The following LRRIQ4 variants were observed in gnomAD, a reference collection of about 807,000 sequenced individuals.
LRRIQ4 encodes the protein leucine rich repeats and IQ motif containing 4, also known as leucine-rich repeat and IQ domain-containing protein 4.
A neutral mutation model predicts 40.1 loss-of-function variants in LRRIQ4; 21 were observed. That is an observed-to-expected ratio of 0.52 (90% confidence interval 0.37 to 0.75). The LOEUF is 0.75. LRRIQ4 is among the 30% of genes least tolerant of loss of function. LRRIQ4 has a pLI of 0.00. For synonymous variants in LRRIQ4, 277 were observed against 277.1 expected, an observed-to-expected ratio of 1.00 and a Z score of 0.00; for missense variants, 655 against 660.0, an observed-to-expected ratio of 0.99 and a Z score of 0.08.
chr3:169,821,288 C>A lies in LRRIQ4; in HGVS notation c.-31-603C>A, dbSNP rs376217693. Among the ~76,000 whole-genome samples, 12 of 152,222 alleles carry A rather than the reference C, an allele frequency of 7.9e-5. No homozygotes were observed. The East Asian group carries it at 2.3e-3, about 29-fold the overall frequency. On this transcript the variant is annotated intron_variant, in intron 1 of 5. Coordinates refer to ENST00000340806, the MANE Select transcript of LRRIQ4 (RefSeq NM_001080460.3). The stretch of plus-strand genomic sequence containing the variant: ...TCAGTGTTATGGTAAGAGCAAGGAT[C>A]TTTTGCAACCTTCTACATCCTACTG...
At chr3:169,831,609 T>C (rs1354215908) in intron 4 of LRRIQ4, among the ~76,000 whole-genome samples, 1 of 149,552 alleles carries the variant, frequency 6.7e-6, no homozygotes, top group African/African-American at 2.5e-5. Context: ...GCCCAAACTA[T>C]AGTTATTCTT....
At position 169,812,922 on chromosome 3, in the gene LRRIQ4, T is replaced by C. The variant is rs1004946853; in HGVS notation, c.-156T>C. 3.6e-5 allele frequency: 7 copies of C among 194,092 alleles called. No individual in the cohort carries two copies. The highest frequency in any genetic ancestry group is 1.4e-4 in the South Asian group (1 of 6,906). The allele number at this position is 194,092 out of a possible 1,614,324, so 12.0% of individuals were successfully genotyped here. A position where few individuals can be genotyped will look rare whatever the true frequency, so the allele number is the denominator to read the frequency against. On this transcript the variant is annotated 5_prime_UTR_variant, in exon 1 of 6. Transcript: ENST00000340806. The surrounding 1 kb of genome is among the most constrained non-coding windows in gnomAD (Gnocchi z 4.3). ...ATAAAGGCGTTGGGCTTTGGGAGCA[T>C]AAAGGGTTTTGTGCTCCCAAAGGGC...
intron 4 of LRRIQ4, among the ~76,000 whole-genome samples, chr3:169,831,394 C>T (rs1414559796): frequency 1.5e-5 from 2 of 134,990 alleles, no homozygotes; most frequent in Admixed American, 7.7e-5. Context: ...CTGCCTCAGC[C>T]TCCTGAGTAG....
intron 2 of LRRIQ4, among the ~76,000 whole-genome samples, chr3:169,827,599 T>C (rs1576766599): frequency 2.0e-5 from 2 of 99,614 alleles, no homozygotes; most frequent in South Asian, 7.1e-4. Context: ...AGAGCGAGAC[T>C]CCGTCTCAAA....
chr3:169,836,760 A>T (rs576856729), intron 5 of LRRIQ4, among the ~76,000 whole-genome samples: 1 of 152,330 alleles, frequency 6.6e-6, no homozygotes, highest in African/African-American at 2.4e-5. Flanking sequence ...GAAGAGTTCC[A>T]GGCAAAGAAA....
Position 169,833,023 on chromosome 3 carries a change from C to T in LRRIQ4, c.1370C>T (p.Thr457Ile), listed in dbSNP as rs766569573. Residue 457 changes from threonine (T) to isoleucine (I), a missense_variant, in exon 5 of 6, where the codon ACC (threonine) becomes ATC (isoleucine). Transcript: ENST00000340806. ...TTACGGCTGGAGGACAACTTGCTCA[C>T]CCATCTTCCAGAGAATTTGGATTCC... ...KELRLEDNLL[T>I]HLPENLDSLV... 3 of 1,613,356 alleles carry T rather than the reference C, an allele frequency of 1.9e-6. No homozygotes were observed. The highest frequency in any genetic ancestry group is 8.5e-7 in the Non-Finnish European group (1 of 1,179,776).
intron 1 of LRRIQ4, among the ~76,000 whole-genome samples, chr3:169,819,288 G>GTA (rs1042561205): frequency 1.3e-5 from 2 of 152,050 alleles, no homozygotes; most frequent in Non-Finnish European, 2.9e-5. Context: ...AAATATGGGT[G>GTA]TATATATATA....
intron 1 of LRRIQ4, among the ~76,000 whole-genome samples, chr3:169,814,478 G>C (rs1480943153): frequency 7.0e-6 from 1 of 142,922 alleles, no homozygotes; most frequent in Non-Finnish European, 1.5e-5. Context: ...AGGGTCTTGG[G>C]GTGTTTGTTT....
rs73879133 is a variant in LRRIQ4, at chr3:169,812,982, C to T, written c.-96C>T. The T allele has an allele frequency of 9.2e-3, 1,527 of 166,466 alleles. 24 individuals carry two copies. The highest frequency in any genetic ancestry group is 0.035 in the African/African-American group (1,453 of 41,830). 10.3% of individuals were successfully genotyped at this position (166,466 alleles called of 1,614,324 possible). On this transcript the variant is annotated 5_prime_UTR_variant, in exon 1 of 6. Coordinates refer to ENST00000340806, the MANE Select transcript of LRRIQ4 (RefSeq NM_001080460.3). The surrounding 1 kb of genome is among the most constrained non-coding windows in gnomAD (Gnocchi z 4.3). ...AGGGAGGGCTTCCTGAAGGAGGTGA[C>T]ATCTGGATGGTCCGAAGGAGGCTGC... is the stretch of plus-strand genomic sequence containing the variant.
chr3:169,814,478 G>GGTGT (rs2108260948), intron 1 of LRRIQ4, among the ~76,000 whole-genome samples: 1 of 143,028 alleles, frequency 7.0e-6, no homozygotes, highest in African/African-American at 2.7e-5. Flanking sequence ...AGGGTCTTGG[G>GGTGT]GTGTTTGTTT....
chr3:169,831,440 A>AT lies in LRRIQ4; in HGVS notation c.1333+853dup, dbSNP rs750864248. On this transcript the variant is annotated intron_variant, in intron 4 of 5. Coordinates refer to ENST00000340806, the MANE Select transcript of LRRIQ4 (RefSeq NM_001080460.3). ...AGGCGCCCGCCACCACGCCCGGCTA[A>AT]TTTTTTTTTTTTTTTTTTTTTTTTT... Among the ~76,000 whole-genome samples, 112 of 29,428 alleles carry AT rather than the reference A, an allele frequency of 3.8e-3. 33 individuals are homozygous for AT. The highest frequency in any genetic ancestry group is 4.9e-3 in the Non-Finnish European group (76 of 15,644). The allele number at this position is 29,428 out of a possible 152,430, so 19.3% of individuals were successfully genotyped here. A position where few individuals can be genotyped will look rare whatever the true frequency, so the allele number is the denominator to read the frequency against.
chr3:169,826,921 A>C (rs1347789751), intron 2 of LRRIQ4, among the ~76,000 whole-genome samples: 2 of 152,240 alleles, frequency 1.3e-5, no homozygotes, highest in African/African-American at 4.8e-5. Context: ...ACTCTACACA[A>C]AAAAGAGAAA....
intron 2 of LRRIQ4, among the ~76,000 whole-genome samples, chr3:169,827,569 T>C (rs981907980): frequency 1.6e-4 from 20 of 128,956 alleles, no homozygotes; most frequent in African/African-American, 6.2e-4. Flanking sequence ...ATCGCGCCAC[T>C]GCACTCCAGC....
Position 169,822,282 on chromosome 3 carries a change from C to A in LRRIQ4, c.361C>A (p.Arg121Ser), listed in dbSNP as rs768267415. ...LVVVSFLHALRELRLYQTDLK... is the reference protein window; with the variant it reads ...LVVVSFLHALSELRLYQTDLK... ...CGTTGTCAGCTTCCTCCACGCCCTG[C>A]GCGAGCTCCGGCTCTACCAGACCGA... The change falls in exon 2 of 6, where the codon CGC (arginine) becomes AGC (serine). Residue 121 changes from arginine to serine, a missense_variant. Arg to Ser is a moderately radical substitution (Grantham distance 110). Transcript: ENST00000340806. 55 of 1,613,018 alleles carry A rather than the reference C, an allele frequency of 3.4e-5. No individual in the cohort carries two copies. The highest frequency in any genetic ancestry group is 4.2e-5 in the Non-Finnish European group (50 of 1,179,570).
chr3:169,825,024 T>C (rs370824921), intron 2 of LRRIQ4, among the ~76,000 whole-genome samples: 8,385 of 128,704 alleles, frequency 0.065, 290 homozygotes, highest in African/African-American at 0.12. Context: ...TTTTTTTTTT[T>C]TGAGATGAGC....
intron 1 of LRRIQ4, among the ~76,000 whole-genome samples, chr3:169,821,528 G>A (rs963912998): frequency 2.0e-5 from 3 of 152,044 alleles, no homozygotes; most frequent in Non-Finnish European, 4.4e-5. Flanking sequence ...CCAGCTACTC[G>A]GGAGGCTGAA....
At chr3:169,827,606 CAAAAAAAA>C (rs59524627) in intron 2 of LRRIQ4, among the ~76,000 whole-genome samples, 18 of 77,524 alleles carry the variant, frequency 2.3e-4, no homozygotes, top group Admixed American at 6.1e-4. Flanking sequence ...GACTCCGTCT[CAAAAAAAA>C]AAAAAAAAAA....
intron 5 of LRRIQ4, among the ~76,000 whole-genome samples, chr3:169,833,384 C>T (rs1780230172): frequency 6.6e-6 from 1 of 152,128 alleles, no homozygotes; most frequent in Admixed American, 6.5e-5. Flanking sequence ...TTTTATGTCC[C>T]TTATTTCTTT....
At chr3:169,818,781 AAGG>A (rs1195576882) in intron 1 of LRRIQ4, among the ~76,000 whole-genome samples, 1 of 152,190 alleles carries the variant, frequency 6.6e-6, no homozygotes, top group Non-Finnish European at 1.5e-5. Context: ...CAGTTTTTAG[AAGG>A]AGAAGTTCTG....
Sources: allele counts gnomAD v4.1 joint callset (sites outside exome capture counted in the v4.1 genomes callset), GRCh38; gene constraint gnomAD v4.1.1; non-coding constraint Gnocchi (gnomAD v3.1); transcripts MANE v1.5; gene names NCBI Gene and HGNC (gene_info 2026-07-23, HGNC 2026-07-21).